ABCC3: variants seen among roughly 807,000 people sequenced by gnomAD.
ABCC3 encodes ATP-binding cassette sub-family C member 3.
A neutral mutation model predicts 165.3 loss-of-function variants in ABCC3; 121 were observed. That is an observed-to-expected ratio of 0.73 (90% CI 0.63 to 0.85). ABCC3 has a LOEUF of 0.85. ABCC3 is among the 40% of genes least tolerant of loss of function. The pLI, the probability that ABCC3 is intolerant of heterozygous loss-of-function variation, is 0.00. For synonymous variants in ABCC3, 733 were observed against 810.1 expected (o/e 0.90, Z 1.62); for missense variants, 1,869 against 1,964.1 (o/e 0.95, Z 0.92).
At position 50,691,272 on chromosome 17, in the gene ABCC3, G is replaced by A. The variant is rs904710633; in HGVS notation, c.*72G>A. 5.0e-5 allele frequency: 61 copies of A among 1,224,256 alleles called. No homozygotes were observed. Among genetic ancestry groups the A allele is most frequent in the Non-Finnish European group, 6.3e-5 (53 of 836,744 alleles). The allele number at this position is 1,224,256 out of a possible 1,614,324, so 75.8% of individuals were successfully genotyped here. A position where few individuals can be genotyped will look rare whatever the true frequency, so the allele number is the denominator to read the frequency against. Reference sequence around the variant, plus strand: ...GAAGGAAATGACACCAAATATGTCCGCAGAATGGACTTGATAGCAAACACT... The same window carrying A: ...GAAGGAAATGACACCAAATATGTCCACAGAATGGACTTGATAGCAAACACT... On this transcript the variant is annotated 3_prime_UTR_variant, in exon 31 of 31. Transcript: ENST00000285238.
chr17:50,672,167 C>T (rs1967662072), intron 17 of ABCC3, among the ~76,000 whole-genome samples: 1 of 152,184 alleles, frequency 6.6e-6, no homozygotes, highest in Admixed American at 6.5e-5. Flanking sequence ...TGCCACCCCT[C>T]AATCCTGCCA....
At chr17:50,649,337 G>T (rs567334921) in intron 1 of ABCC3, among the ~76,000 whole-genome samples, 37 of 152,154 alleles carry the variant, frequency 2.4e-4, no homozygotes, top group Non-Finnish European at 4.4e-4. Context: ...CTTGATTGGC[G>T]ACAGATCAGT....
chr17:50,677,841 G>T lies in ABCC3; in HGVS notation c.3476G>T (p.Ser1159Ile), dbSNP rs778504540. 1.2e-6 allele frequency: 2 copies of T among 1,614,174 alleles called. No individual in the cohort carries two copies. Among genetic ancestry groups the T allele is most frequent in the Non-Finnish European group, 1.7e-6 (2 of 1,180,034 alleles). ...TTTTCGGAGACAGTGACTGGTGCCA[G>T]TGTCATCCGGGCCTACAACCGCAGC... ...SHFSETVTGA[S>I]VIRAYNRSRD... Residue 1159 changes from serine (S) to isoleucine (I), a missense_variant, in exon 24 of 31, where the codon AGT becomes ATT. Ser to Ile is a moderately radical substitution (Grantham distance 142). Transcript: ENST00000285238.
intron 29 of ABCC3, among the ~76,000 whole-genome samples, chr17:50,686,841 G>A (rs1201569253): frequency 1.3e-5 from 2 of 152,138 alleles, no homozygotes; most frequent in East Asian, 1.9e-4. Flanking sequence ...ACTTTACTCC[G>A]GCTGTGGTGA....
intron 1 of ABCC3, among the ~76,000 whole-genome samples, chr17:50,651,235 G>T (rs1457925576): frequency 6.6e-6 from 1 of 152,128 alleles, no homozygotes; most frequent in Non-Finnish European, 1.5e-5. Flanking sequence ...TGTCAGTGTG[G>T]CACAGAACAT....
chr17:50,668,072 G>T lies in ABCC3; in HGVS notation c.1782+63G>T, dbSNP rs567010692. On this transcript the variant is annotated intron_variant, in intron 13 of 30. Coordinates refer to ENST00000285238, the MANE Select transcript of ABCC3 (RefSeq NM_003786.4). ...GAACAGGTTGTTGGGGTCAGGGAAG[G>T]GTCACTTAGGGCAAGGGATAATCAG... is the stretch of plus-strand genomic sequence containing the variant. 5 of 1,388,590 alleles carry T rather than the reference G, an allele frequency of 3.6e-6. No homozygotes were observed. The South Asian group carries it at 6.0e-5, about 17-fold the overall frequency. 86.0% of individuals were successfully genotyped at this position (1,388,590 alleles called of 1,614,324 possible). A position where few individuals can be genotyped will look rare whatever the true frequency, so the allele number is the denominator to read the frequency against.
intron 8 of ABCC3, chr17:50,663,364 G>C (rs1029516342): frequency 1.4e-5 from 5 of 365,424 alleles, no homozygotes; most frequent in African/African-American, 8.2e-5. Flanking sequence ...CCAGTCAATG[G>C]AAACGTGGCA....
rs539894537 is a variant in ABCC3, at chr17:50,690,864, G to A, written c.4476-228G>A. 1.4e-3 allele frequency among the ~76,000 whole-genome samples: 214 copies of A among 152,368 alleles called. 2 individuals carry two copies. The highest frequency in any genetic ancestry group is 4.9e-3 in the African/African-American group (205 of 41,582). ...AAGGTTTTCAGAGCCCTGACTAGCA[G>A]AGATGAATAGGACCTTGTGTTTGAT... is the stretch of plus-strand genomic sequence containing the variant. On this transcript the variant is annotated intron_variant, in intron 30 of 30. Transcript: ENST00000285238.
At position 50,678,030 on chromosome 17, in the gene ABCC3, C is replaced by T. The variant is rs755844439; in HGVS notation, c.3579-63C>T. On this transcript the variant is annotated intron_variant, in intron 24 of 30. Transcript: ENST00000285238. ...TCAGGGTCCTTGTCCCTCCTTTCCC[C>T]TAAGCAGAAAACTGGCCCTGCCCTG... The T allele has an allele frequency of 2.9e-5, 47 of 1,613,896 alleles. No individual in the cohort carries two copies. The Middle Eastern group carries it at 1.3e-3, about 45-fold the overall frequency.
intron 1 of ABCC3, among the ~76,000 whole-genome samples, chr17:50,636,227 G>A (rs2054178288): frequency 6.6e-6 from 1 of 152,196 alleles, no homozygotes; most frequent in Non-Finnish European, 1.5e-5. Flanking sequence ...ACGCACACAC[G>A]CAGGCACGTG....
At chr17:50,669,331 G>A in intron 16 of ABCC3, 21 bp from the exon 17 acceptor site, 1 of 1,614,202 alleles carries the variant, frequency 6.2e-7, no homozygotes, top group Non-Finnish European at 8.5e-7. Flanking sequence ...AAGCCCCGAG[G>A]TAAATTTCTC....
chr17:50,671,834 T>G (rs1442722252), intron 17 of ABCC3, among the ~76,000 whole-genome samples: 1 of 148,478 alleles, frequency 6.7e-6, no homozygotes, highest in Non-Finnish European at 1.5e-5. Context: ...CGATTCTCCT[T>G]CCTCAGCCTC....
At chr17:50,641,994 GAA>G (rs78689334) in intron 1 of ABCC3, among the ~76,000 whole-genome samples, 11 of 140,766 alleles carry the variant, frequency 7.8e-5, no homozygotes, top group African/African-American at 7.8e-5. Context: ...TTACAGTGGG[GAA>G]AAAAAAAAAA....
chr17:50,683,656 C>A lies in ABCC3; in HGVS notation c.3854C>A (p.Pro1285Gln), dbSNP rs371476240. ...AGCCGCCCTCCCGAAGGTTGGCCCC[C>A]ACGTGGGGAGGTGGAGTTCCGGAAT... ...EGSRPPEGWP[P>Q]RGEVEFRNYS... Residue 1285 changes from proline to glutamine, a missense_variant, in exon 27 of 31, where the codon CCA (proline) becomes CAA (glutamine). Physicochemically the swap from Pro to Gln is moderately conservative, Grantham distance 76. Coordinates refer to ENST00000285238, the MANE Select transcript of ABCC3 (RefSeq NM_003786.4). 1.0e-5 allele frequency: 16 copies of A among 1,601,960 alleles called. No individual in the cohort carries two copies. The highest frequency in any genetic ancestry group is 1.4e-5 in the Non-Finnish European group (16 of 1,174,034).
At chr17:50,690,378 G>A (rs1212349984) in intron 30 of ABCC3, among the ~76,000 whole-genome samples, 1 of 152,178 alleles carries the variant, frequency 6.6e-6, no homozygotes, top group South Asian at 2.1e-4. Context: ...TGATGTCACA[G>A]ACACAGTCCT....
At position 50,663,962 on chromosome 17, in the gene ABCC3, A is replaced by G; in HGVS notation, c.1189A>G (p.Thr397Ala). Residue 397 changes from threonine to alanine, a missense_variant, in exon 10 of 31, where the codon ACC becomes GCC. By Grantham distance (58) the Thr-to-Ala change is moderately conservative (BLOSUM62 0). Transcript: ENST00000285238. ...TGTCTACCTGCAGGCTCTGGTTATC[A>G]CCAACTCAGTCAAACGTGCGTCCAC... ...GVIYRKALVITNSVKRASTVG... is the reference protein window; with the variant it reads ...GVIYRKALVIANSVKRASTVG... The G allele has an allele frequency of 6.2e-7, 1 of 1,614,124 alleles. No homozygotes were observed. The highest frequency in any genetic ancestry group is 8.5e-7 in the Non-Finnish European group (1 of 1,180,024).
rs752016818 is a variant in ABCC3, at chr17:50,658,472, G to A, written c.650G>A (p.Arg217His). Residue 217 changes from arginine to histidine, a missense_variant, in exon 6 of 31, where the codon CGC becomes CAC. By Grantham distance (29) the Arg-to-His change is conservative. Coordinates refer to ENST00000285238, the MANE Select transcript of ABCC3 (RefSeq NM_003786.4). Reference protein sequence around the residue: ...YPETSAGFLSRLFFWWFTKMA... With the variant: ...YPETSAGFLSHLFFWWFTKMA... ...GAGACCAGCGCTGGCTTTCTCTCCC[G>A]CCTGTTTTTCTGGTGGTTCACAAAG... is the stretch of plus-strand genomic sequence containing the variant. 17 of 1,613,944 alleles carry A rather than the reference G, an allele frequency of 1.1e-5. No individual in the cohort carries two copies. The highest frequency in any genetic ancestry group is 4.5e-5 in the East Asian group (2 of 44,896).
chr17:50,648,440 C>G (rs941201681), intron 1 of ABCC3, among the ~76,000 whole-genome samples: 2 of 152,202 alleles, frequency 1.3e-5, no homozygotes, highest in Non-Finnish European at 1.5e-5. Flanking sequence ...TTCCAGCCAC[C>G]TCACAGAAGA....
At chr17:50,662,659 G>A (rs77285074) in intron 8 of ABCC3, among the ~76,000 whole-genome samples, 55 of 112,924 alleles carry the variant, frequency 4.9e-4, no homozygotes, top group African/African-American at 8.3e-4. Context: ...AAAAAAAAAA[G>A]AGAGAGAGAG....
Sources: gnomAD v4.1 joint callset for allele counts (sites outside exome capture counted in the v4.1 genomes callset) on GRCh38, gnomAD v4.1.1 for gene constraint, MANE v1.5 for transcripts, NCBI Gene and HGNC (gene_info 2026-07-23, HGNC 2026-07-21) for gene names.